The following REDIC1 variants were observed in gnomAD, a reference collection of about 807,000 sequenced individuals.
REDIC1 encodes HEI10 Interacting Protein 1.
chr12:39,657,154 G>T, the REDIC1 span, among the ~76,000 whole-genome samples: 3 of 152,068 alleles, frequency 2.0e-5, no homozygotes, highest in Non-Finnish European at 4.4e-5. Flanking sequence ...CGTGTCCTTT[G>T]CAGATGTGCC....
the REDIC1 span, among the ~76,000 whole-genome samples, chr12:39,779,414 T>G: frequency 1.3e-5 from 2 of 152,140 alleles, no homozygotes; most frequent in Non-Finnish European, 1.5e-5. Context: ...CTGGGTTTTT[T>G]GGGGGACTTT....
the REDIC1 span, among the ~76,000 whole-genome samples, chr12:39,716,478 A>C: frequency 6.6e-6 from 1 of 152,142 alleles, no homozygotes; most frequent in East Asian, 1.9e-4. Context: ...TATGTTGGAA[A>C]AATCAATCCA....
At chr12:39,766,262 A>G in the REDIC1 span, among the ~76,000 whole-genome samples, 3 of 152,112 alleles carry the variant, frequency 2.0e-5, no homozygotes, top group Non-Finnish European at 4.4e-5. Flanking sequence ...TTGCGAGGTC[A>G]GTTCCAGACC....
chr12:39,713,616 A>G, the REDIC1 span, among the ~76,000 whole-genome samples: 2,086 of 148,096 alleles, frequency 0.014, 62 homozygotes, highest in African/African-American at 0.049. Context: ...ACATATGTAT[A>G]TACGCATGTA....
At chr12:39,726,630 G>T in the REDIC1 span, among the ~76,000 whole-genome samples, 5 of 152,112 alleles carry the variant, frequency 3.3e-5, no homozygotes, top group East Asian at 3.9e-4. Flanking sequence ...ACACACATGT[G>T]CATGTGTCTT....
At chr12:39,674,742 G>A in the REDIC1 span, among the ~76,000 whole-genome samples, 1 of 152,142 alleles carries the variant, frequency 6.6e-6, no homozygotes, top group Non-Finnish European at 1.5e-5. Flanking sequence ...GACACTCCTG[G>A]TCCCCAGCTT....
At chr12:39,837,450 A>T in the REDIC1 span, among the ~76,000 whole-genome samples, 1 of 138,020 alleles carries the variant, frequency 7.2e-6, no homozygotes, top group South Asian at 2.8e-4. Context: ...CATGTCCAAA[A>T]CACCAAAAGC....
chr12:39,685,044 G>T, the REDIC1 span: 1 of 619,786 alleles, frequency 1.6e-6, no homozygotes, highest in African/African-American at 1.9e-5. Context: ...AATTTTTATT[G>T]GATGGACTCT....
the REDIC1 span, among the ~76,000 whole-genome samples, chr12:39,712,456 A>ATATATACATACGTATATGTATACATACG: frequency 1.0e-4 from 1 of 9,698 alleles, no homozygotes; most frequent in Non-Finnish European, 8.3e-4. Context: ...ATACATACGT[A>ATATATACATACGTATATGTATACATACG]TATATACGTA....
At chr12:39,774,460 T>A in the REDIC1 span, among the ~76,000 whole-genome samples, 1 of 152,196 alleles carries the variant, frequency 6.6e-6, no homozygotes, top group Non-Finnish European at 1.5e-5. Context: ...GGTGGCCACA[T>A]AGCATTTAAA....
the REDIC1 span, chr12:39,650,364 G>A: frequency 1.6e-5 from 26 of 1,603,030 alleles, no homozygotes; most frequent in Non-Finnish European, 2.1e-5. This position sits in a 1 kb window ranked among gnomAD's most constrained non-coding sequence, Gnocchi z 4.3. Flanking sequence ...GGTAAGCAAA[G>A]ATGCTGAAGG....
the REDIC1 span, among the ~76,000 whole-genome samples, chr12:39,794,216 C>T: frequency 1.3e-5 from 2 of 151,028 alleles, no homozygotes; most frequent in Admixed American, 6.6e-5. Flanking sequence ...AAACTTGCAG[C>T]TCTCCCTTTG....
the REDIC1 span, among the ~76,000 whole-genome samples, chr12:39,899,760 G>C: frequency 6.6e-6 from 1 of 152,210 alleles, no homozygotes; most frequent in Middle Eastern, 3.4e-3. Flanking sequence ...TTCAGGAGCA[G>C]GTTGTTCAGT....
chr12:39,714,835 T>C, the REDIC1 span, among the ~76,000 whole-genome samples: 2 of 152,160 alleles, frequency 1.3e-5, no homozygotes, highest in South Asian at 4.1e-4. Context: ...CATTTTTTCA[T>C]GTGTTTGCTG....
chr12:39,677,674 T>C, the REDIC1 span, among the ~76,000 whole-genome samples: 1 of 152,140 alleles, frequency 6.6e-6, no homozygotes, highest in Non-Finnish European at 1.5e-5. Flanking sequence ...TTCTCCAAGA[T>C]AGACCATATG....
the REDIC1 span, among the ~76,000 whole-genome samples, chr12:39,779,865 G>A: frequency 6.6e-6 from 1 of 152,260 alleles, no homozygotes; most frequent in Non-Finnish European, 1.5e-5. Flanking sequence ...TGCCTGCACA[G>A]TATCTCTGGC....
At chr12:39,713,055 GTGT>G in the REDIC1 span, among the ~76,000 whole-genome samples, 1 of 49,014 alleles carries the variant, frequency 2.0e-5, no homozygotes, top group African/African-American at 6.8e-5. Context: ...GTGTATATAC[GTGT>G]ATATGTGTAT....
At chr12:39,657,932 T>C in the REDIC1 span, among the ~76,000 whole-genome samples, 1 of 152,156 alleles carries the variant, frequency 6.6e-6, no homozygotes, top group South Asian at 2.1e-4. Flanking sequence ...CTCTGCGTTT[T>C]CTAGTTTTTT....
chr12:39,739,313 C>T, the REDIC1 span, among the ~76,000 whole-genome samples: 15 of 152,224 alleles, frequency 9.9e-5, no homozygotes, highest in South Asian at 4.1e-4. Flanking sequence ...TTGAGACAGC[C>T]CCTTTCTCAA....
Sources: allele counts gnomAD v4.1 joint callset (sites outside exome capture counted in the v4.1 genomes callset), GRCh38; gene constraint gnomAD v4.1.1; non-coding constraint Gnocchi (gnomAD v3.1); transcripts MANE v1.5; gene names NCBI Gene and HGNC (gene_info 2026-07-23, HGNC 2026-07-21).